PTPRN2: variants seen among roughly 807,000 people sequenced by gnomAD.
PTPRN2 encodes the protein protein tyrosine phosphatase receptor type N2.
Under a neutral mutation model 118.8 loss-of-function variants are expected in PTPRN2, and 74 were observed. The observed-to-expected ratio is 0.62, with a 90% CI of 0.52 to 0.76. The LOEUF (loss-of-function observed/expected upper bound fraction) is 0.76, where lower values mean the gene tolerates loss of function less well. Among genes scored for constraint, PTPRN2 ranks in the 30% least tolerant of loss-of-function variants. The pLI, the probability that PTPRN2 is intolerant of heterozygous loss-of-function variation, is 0.00. For synonymous variants in PTPRN2, 641 were observed against 608.0 expected (o/e 1.05, Z -0.80); for missense variants, 1,481 against 1,394.4 (o/e 1.06, Z -0.99).
chr7:158,359,452 G>A (rs192272346), intron 2 of PTPRN2, among the ~76,000 whole-genome samples: 1 of 152,126 alleles, frequency 6.6e-6, no homozygotes, highest in African/African-American at 2.4e-5. Context: ...GGCCAGCCGG[G>A]GGGACCCAGC....
At chr7:157,597,264 C>T (rs1009763410) in intron 16 of PTPRN2, among the ~76,000 whole-genome samples, 7 of 152,156 alleles carry the variant, frequency 4.6e-5, no homozygotes, top group Non-Finnish European at 8.8e-5. Flanking sequence ...TTTTGAAATT[C>T]GCCACAACAC....
At chr7:158,351,958 T>A (rs368481284) in intron 2 of PTPRN2, among the ~76,000 whole-genome samples, 285 of 18,960 alleles carry the variant, frequency 0.015, 3 homozygotes, top group Middle Eastern at 0.091. Context: ...TCCCCTCCTG[T>A]CCGCTCCCCT....
rs1017389442 is a variant in PTPRN2 at position 158,573,394 on chromosome 7, T to C, written c.112+14164A>G. ...ATGTTACTTGTGAAAAGTCATTCGT[T>C]GGTATCAATTTTAAAAATAAAGAGT... On this transcript the variant is annotated intron_variant, in intron 1 of 22. Coordinates refer to ENST00000389418, the MANE Select transcript of PTPRN2 (RefSeq NM_002847.5). 2.6e-5 allele frequency among the ~76,000 whole-genome samples: 4 copies of C among 152,326 alleles called. No individual in the cohort carries two copies. The East Asian group carries it at 5.8e-4, about 22-fold the overall frequency.
rs144768409 is a variant in PTPRN2, at chr7:157,752,716, G to A, written c.1789-69779C>T. ...TGATTGCAGCTTCCTCTCCTACCTGGAGTCCAGCATCCATATTTTCATCTT... is the reference window on the plus strand; with the variant it reads ...TGATTGCAGCTTCCTCTCCTACCTGAAGTCCAGCATCCATATTTTCATCTT... On this transcript the variant is annotated intron_variant, in intron 12 of 22. Coordinates refer to ENST00000389418, the MANE Select transcript of PTPRN2 (RefSeq NM_002847.5). Among the ~76,000 whole-genome samples the A allele has an allele frequency of 6.4e-4, 98 of 152,254 alleles. 1 individual carries two copies. The highest frequency in any genetic ancestry group is 1.3e-3 in the Non-Finnish European group (91 of 68,018).
At chr7:157,678,475 T>G (rs745609986) in intron 13 of PTPRN2, among the ~76,000 whole-genome samples, 1 of 152,200 alleles carries the variant, frequency 6.6e-6, no homozygotes, top group Admixed American at 6.5e-5. Context: ...CCTGTGCTCT[T>G]TGTCAGAACT....
chr7:157,997,818 TGAGTGCACGGGAGAG>T (rs1319607763), intron 11 of PTPRN2, among the ~76,000 whole-genome samples: 1 of 17,506 alleles, frequency 5.7e-5, no homozygotes. Context: ...GCAGGGGAGA[TGAGTGCACGGGAGAG>T]GAGTGCAGGG....
intron 14 of PTPRN2, among the ~76,000 whole-genome samples, chr7:157,630,161 T>C (rs755755727): frequency 2.6e-5 from 4 of 152,190 alleles, no homozygotes; most frequent in Non-Finnish European, 5.9e-5. Context: ...CTATGGGGGC[T>C]TCGGGAGCAG....
At position 157,950,766 on chromosome 7, in the gene PTPRN2, G is replaced by A. The variant is rs181478943; in HGVS notation, c.1724-52029C>T. ...AGTGAAAGCGCCTTCTTTCCATATC[G>A]GATGCTGGAAGCTGTGATGTTGGCA... On this transcript the variant is annotated intron_variant, in intron 11 of 22. Transcript: ENST00000389418. Among the ~76,000 whole-genome samples the A allele has an allele frequency of 7.2e-5, 11 of 152,150 alleles. No homozygotes were observed. The East Asian group carries it at 1.4e-3, about 19-fold the overall frequency.
chr7:158,572,403 G>A (rs1008099703), intron 1 of PTPRN2, among the ~76,000 whole-genome samples: 6 of 152,160 alleles, frequency 3.9e-5, no homozygotes, highest in African/African-American at 1.4e-4. Flanking sequence ...CCCATCTAGC[G>A]GCTGAGGATT....
intron 2 of PTPRN2, among the ~76,000 whole-genome samples, chr7:158,397,100 T>G (rs1812573487): frequency 6.6e-6 from 1 of 152,276 alleles, no homozygotes. Context: ...AAAGGCCATC[T>G]GCTGTAAGAG....
chr7:157,828,028 G>A (rs920379840), intron 12 of PTPRN2, among the ~76,000 whole-genome samples: 4 of 152,224 alleles, frequency 2.6e-5, no homozygotes, highest in South Asian at 2.1e-4. Context: ...CGTCCCCACC[G>A]TGGGACCTGC....
intron 2 of PTPRN2, among the ~76,000 whole-genome samples, chr7:158,341,355 G>C (rs1316718379): frequency 1.2e-4 from 15 of 126,334 alleles, no homozygotes; most frequent in South Asian, 2.5e-4. Context: ...ACCATAAGAG[G>C]TAACACATGC....
Position 158,050,668 on chromosome 7 carries a change from T to A in PTPRN2, c.1723+30630A>T, listed in dbSNP as rs369702135. On this transcript the variant is annotated intron_variant, in intron 11 of 22. Transcript: ENST00000389418. ...CGTCACGCTGAGCTCTGTGCTAGGG[T>A]GGGTAGGGAAGGCCTCCTTCTCTGC... Among the ~76,000 whole-genome samples the A allele has an allele frequency of 4.6e-5, 7 of 152,234 alleles. No homozygotes were observed. The South Asian group carries it at 1.5e-3, about 32-fold the overall frequency.
chr7:158,404,832 G>A (rs1401690408), intron 2 of PTPRN2, among the ~76,000 whole-genome samples: 3 of 82,292 alleles, frequency 3.6e-5, no homozygotes, highest in Admixed American at 1.4e-4. Context: ...CCAGCTCCCC[G>A]GCCCCAGCTC....
At chr7:158,012,282 G>A (rs1241425201) in intron 11 of PTPRN2, among the ~76,000 whole-genome samples, 2 of 151,638 alleles carry the variant, frequency 1.3e-5, no homozygotes, top group Non-Finnish European at 3.0e-5. Context: ...GGAACTGCCG[G>A]GGGCTGATAC....
At chr7:158,249,314 ACCTGCATGCACACAC>A (rs1285421446) in intron 3 of PTPRN2, among the ~76,000 whole-genome samples, 36 of 148,582 alleles carry the variant, frequency 2.4e-4, no homozygotes, top group Middle Eastern at 3.9e-3. Flanking sequence ...TATCTACCAC[ACCTGCATGCACACAC>A]CCTGCATGCA....
chr7:158,215,888 A>G (rs534629663), intron 3 of PTPRN2, among the ~76,000 whole-genome samples: 34 of 152,332 alleles, frequency 2.2e-4, no homozygotes, highest in African/African-American at 7.9e-4. Flanking sequence ...ATGTCTCCAT[A>G]TAGAAGAGAA....
chr7:158,062,137 C>T (rs1390526767), intron 11 of PTPRN2, among the ~76,000 whole-genome samples: 2 of 152,264 alleles, frequency 1.3e-5, no homozygotes, highest in African/African-American at 4.8e-5. Flanking sequence ...GCACAGAGCA[C>T]TGAGCACAGA....
chr7:157,668,364 A>C (rs1041996000), intron 13 of PTPRN2, among the ~76,000 whole-genome samples: 3 of 152,212 alleles, frequency 2.0e-5, no homozygotes, highest in African/African-American at 7.2e-5. Context: ...CAGGACAACA[A>C]AGGTTTCAGG....
Sources: gnomAD v4.1 joint callset for allele counts (sites outside exome capture counted in the v4.1 genomes callset) on GRCh38, gnomAD v4.1.1 for gene constraint, MANE v1.5 for transcripts, NCBI Gene and HGNC (gene_info 2026-07-23, HGNC 2026-07-21) for gene names.